The following VWA2 variants were observed in gnomAD, a reference collection of about 807,000 sequenced individuals.
VWA2 encodes the protein von Willebrand factor A domain containing 2, also known as von Willebrand factor A domain-containing protein 2.
VWA2 carries 73 observed loss-of-function variants against 70.4 expected under a neutral mutation model. That is an observed-to-expected ratio of 1.04 (90% CI 0.86 to 1.26). The LOEUF (loss-of-function observed/expected upper bound fraction) is 1.26. Among genes scored for constraint, VWA2 ranks in the 50% most tolerant of loss-of-function variants. The pLI, the probability that VWA2 is intolerant of heterozygous loss-of-function variation, is 0.00. For missense variants in VWA2, 1,011 were observed against 998.5 expected, an observed-to-expected ratio of 1.01 and a Z score of -0.17; for synonymous variants, 407 against 423.3, an observed-to-expected ratio of 0.96 and a Z score of 0.47.
chr10:114,255,270 G>T (rs2037301196), intron 4 of VWA2, among the ~76,000 whole-genome samples: 1 of 150,036 alleles, frequency 6.7e-6, no homozygotes, highest in Non-Finnish European at 1.5e-5. Flanking sequence ...TTTTCTTTTG[G>T]TTGACTTCCT....
intron 5 of VWA2, among the ~76,000 whole-genome samples, chr10:114,263,488 C>T (rs1227446616): frequency 6.6e-6 from 1 of 152,002 alleles, no homozygotes; most frequent in Non-Finnish European, 1.5e-5. Context: ...AGGAGCCCGC[C>T]ACCACGCCTG....
chr10:114,247,928 T>A (rs1223427848), intron 1 of VWA2, among the ~76,000 whole-genome samples: 1 of 151,858 alleles, frequency 6.6e-6, no homozygotes, highest in Non-Finnish European at 1.5e-5. Flanking sequence ...AAGTTTTTTT[T>A]TAAAAAAACT....
chr10:114,259,155 AG>A (rs1395327855), intron 4 of VWA2, among the ~76,000 whole-genome samples: 1 of 152,232 alleles, frequency 6.6e-6, no homozygotes, highest in Non-Finnish European at 1.5e-5. Flanking sequence ...CATTTCTACA[AG>A]CAATGTTTGA....
intron 8 of VWA2, among the ~76,000 whole-genome samples, chr10:114,279,393 C>A (rs1203254548): frequency 6.6e-6 from 1 of 152,002 alleles, no homozygotes; most frequent in Non-Finnish European, 1.5e-5. Flanking sequence ...CCATTCAGCA[C>A]CTCTGTCCGG....
intron 8 of VWA2, 68 bp from the exon 9 acceptor site, chr10:114,282,448 C>A: frequency 7.9e-7 from 1 of 1,262,636 alleles, no homozygotes; most frequent in Non-Finnish European, 1.2e-6. Context: ...TGTTGTAAAT[C>A]ATCTTCTGTT....
chr10:114,243,241 A>G (rs1409750524), intron 1 of VWA2, among the ~76,000 whole-genome samples: 1 of 152,150 alleles, frequency 6.6e-6, no homozygotes, highest in Non-Finnish European at 1.5e-5. Flanking sequence ...CTAACCCTCC[A>G]GGGAGTTCAC....
chr10:114,287,856 C>T (rs191625468), intron 11 of VWA2, among the ~76,000 whole-genome samples: 51 of 152,182 alleles, frequency 3.4e-4, no homozygotes, highest in African/African-American at 1.2e-3. Flanking sequence ...TTAGTGAATC[C>T]ATGCTTATTT....
rs574328644 is a variant in VWA2 at position 114,294,367 on chromosome 10, A to G, written c.*3130A>G. Among the ~76,000 whole-genome samples the G allele has an allele frequency of 2.0e-5, 3 of 152,324 alleles. No homozygotes were observed. The highest frequency in any genetic ancestry group is 2.1e-4 in the South Asian group (1 of 4,828). On this transcript the variant is annotated 3_prime_UTR_variant, in exon 14 of 14. Coordinates refer to ENST00000392982, the MANE Select transcript of VWA2 (RefSeq NM_001272046.2). ...TTATAATTTGAAAAATCTTGTCAGT[A>G]TCTGTATTAAGGCCTCCATTTCAGT...
At chr10:114,270,555 G>A (rs2037685396) in intron 5 of VWA2, among the ~76,000 whole-genome samples, 2 of 152,174 alleles carry the variant, frequency 1.3e-5, no homozygotes, top group South Asian at 2.1e-4. Flanking sequence ...ACAGGTGTGT[G>A]TGTGTAGTGT....
intron 4 of VWA2, among the ~76,000 whole-genome samples, chr10:114,260,240 T>G (rs896625847): frequency 1.3e-5 from 2 of 152,168 alleles, no homozygotes. Flanking sequence ...CGCTAGTGCC[T>G]TAAGGATCCA....
chr10:114,250,285 A>G (rs1331618954), intron 2 of VWA2, among the ~76,000 whole-genome samples: 1 of 152,218 alleles, frequency 6.6e-6, no homozygotes, highest in East Asian at 1.9e-4. Flanking sequence ...CTCACGGTTT[A>G]TGCTTCAGAA....
chr10:114,261,060 C>T, intron 4 of VWA2, 126 bp from the exon 5 acceptor site: 1 of 652,050 alleles, frequency 1.5e-6, no homozygotes. Flanking sequence ...CTGGAGAAAG[C>T]TCTGGCACTG....
intron 1 of VWA2, chr10:114,246,764 C>G: frequency 7.6e-7 from 1 of 1,323,444 alleles, no homozygotes; most frequent in South Asian, 1.2e-5. Context: ...GCTGTATAAC[C>G]TTTCAGGAAC....
intron 2 of VWA2, 123 bp from the exon 3 acceptor site, chr10:114,253,528 C>T (rs1589743252): frequency 1.2e-6 from 1 of 802,916 alleles, no homozygotes; most frequent in East Asian, 2.6e-5. Flanking sequence ...ATGCAAGAAT[C>T]ATCACTCCCC....
chr10:114,267,306 G>T (rs1463921249), intron 5 of VWA2, among the ~76,000 whole-genome samples: 4 of 151,698 alleles, frequency 2.6e-5, no homozygotes, highest in African/African-American at 9.7e-5. Context: ...TAGTAGAGAT[G>T]GGGTTTCACC....
chr10:114,285,010 G>A, intron 10 of VWA2, 40 bp downstream of exon 10: 1 of 1,486,120 alleles, frequency 6.7e-7, no homozygotes, highest in South Asian at 1.3e-5. Flanking sequence ...CCACTGGGGA[G>A]CAAGAAGAGG....
chr10:114,285,791 CTG>C (rs2038794889), intron 10 of VWA2, 146 bp from the exon 11 acceptor site: 2 of 833,792 alleles, frequency 2.4e-6, no homozygotes, highest in Non-Finnish European at 3.6e-6. Context: ...GTCTCTAACT[CTG>C]TGACGAGCAC....
intron 2 of VWA2, among the ~76,000 whole-genome samples, chr10:114,251,979 G>T (rs1172993899): frequency 6.6e-6 from 1 of 152,026 alleles, no homozygotes; most frequent in African/African-American, 2.4e-5. Context: ...GCTAATTTTT[G>T]TGTTTTTAGT....
rs182969075 is a variant in VWA2 at position 114,292,609 on chromosome 10, G to A, written c.*1372G>A. 2.7e-3 allele frequency among the ~76,000 whole-genome samples: 407 copies of A among 150,752 alleles called. 3 individuals carry two copies. The highest frequency in any genetic ancestry group is 9.2e-3 in the African/African-American group (377 of 41,048). ...AGATACTTACTTCCCTATCGCTGCA[G>A]TATTTAGGAATTACTTCTTCTCCTT... On this transcript the variant is annotated 3_prime_UTR_variant, in exon 14 of 14. Transcript: ENST00000392982.
Sources: gnomAD v4.1 joint callset for allele counts (sites outside exome capture counted in the v4.1 genomes callset) on GRCh38, gnomAD v4.1.1 for gene constraint, MANE v1.5 for transcripts, NCBI Gene and HGNC (gene_info 2026-07-23, HGNC 2026-07-21) for gene names.